BANK1: variants seen among roughly 807,000 people sequenced by gnomAD.
BANK1 encodes the protein B-cell scaffold protein with ankyrin repeats.
A neutral mutation model predicts 94.5 loss-of-function variants in BANK1; 95 were observed. The ratio of observed to expected loss-of-function variants is 1.00; its 90% confidence interval spans 0.85 to 1.19. BANK1 has a LOEUF of 1.19. Ranked by LOEUF, BANK1 falls within the 50% of genes most tolerant of loss-of-function variation. The probability of loss-of-function intolerance (pLI) is 0.00; values close to 1 mark genes in which losing one functional copy is unlikely to be tolerated. For synonymous variants in BANK1, 334 were observed against 308.4 expected, an observed-to-expected ratio of 1.08 and a Z score of -0.87; for missense variants, 987 against 932.2, an observed-to-expected ratio of 1.06 and a Z score of -0.77.
chr4:101,870,649 G>C lies in BANK1; in HGVS notation c.903+5G>C. 1 of 1,607,464 alleles carries C rather than the reference G, an allele frequency of 6.2e-7. No homozygotes were observed. Among genetic ancestry groups the C allele is most frequent in the Non-Finnish European group, 8.5e-7 (1 of 1,177,470 alleles). On this transcript the variant is annotated splice_donor_5th_base_variant and intron_variant, in intron 5 of 16. Transcript: ENST00000322953. ...TCAGGAGAGAGTTTGTGCCAGGTAA[G>C]TTAATCTTTCCACGAAGTTAATCAT...
At chr4:102,013,586 A>T (rs554442321) in intron 7 of BANK1, among the ~76,000 whole-genome samples, 2 of 152,060 alleles carry the variant, frequency 1.3e-5, no homozygotes, top group African/African-American at 4.8e-5. Context: ...AATTTCTGCT[A>T]GTTCAAATGG....
At position 101,901,906 on chromosome 4, in the gene BANK1, G is replaced by A. The variant is rs186830782; in HGVS notation, c.1009+6496G>A. On this transcript the variant is annotated intron_variant, in intron 6 of 16. Transcript: ENST00000322953. ...CTCCTGAGTAGCCGGGACTACAGGCGCCCGCCAACACACCTGGCTATTTTT... is the reference window on the plus strand; with the variant it reads ...CTCCTGAGTAGCCGGGACTACAGGCACCCGCCAACACACCTGGCTATTTTT... Among the ~76,000 whole-genome samples, 645 of 152,100 alleles carry A rather than the reference G, an allele frequency of 4.2e-3. 4 individuals are homozygous for A. Among genetic ancestry groups the A allele is most frequent in the African/African-American group, 0.015 (603 of 41,502 alleles).
In BANK1 at chr4:101,871,523, C is replaced by G. The variant is rs1420130749; in HGVS notation, c.903+879C>G. On this transcript the variant is annotated intron_variant, in intron 5 of 16. Coordinates refer to ENST00000322953, the MANE Select transcript of BANK1 (RefSeq NM_017935.5). Reference sequence around the variant, plus strand: ...TTGTTATTTCATGTGACACATTTTTCTATTAGGGTTTTATTTTTATATTAT... The same window carrying G: ...TTGTTATTTCATGTGACACATTTTTGTATTAGGGTTTTATTTTTATATTAT... Among the ~76,000 whole-genome samples the G allele has an allele frequency of 2.0e-5, 3 of 151,962 alleles. No individual in the cohort carries two copies. In the East Asian group the frequency reaches 5.8e-4, roughly 29 times the overall value.
chr4:101,821,118 T>A (rs1296592849), intron 1 of BANK1, among the ~76,000 whole-genome samples: 1 of 152,228 alleles, frequency 6.6e-6, no homozygotes, highest in African/African-American at 2.4e-5. Context: ...ATCTGTTATT[T>A]TTTGACTTTT....
intron 1 of BANK1, among the ~76,000 whole-genome samples, chr4:101,821,807 C>T (rs1401165620): frequency 3.9e-5 from 6 of 152,110 alleles, no homozygotes; most frequent in Middle Eastern, 3.4e-3. Context: ...AAAGAAAAGT[C>T]GTAGAAAAAT....
rs200697538 is a variant in BANK1, at chr4:102,018,819, C to CTTTTT, written c.1207-2695_1207-2694insTTTTT. Among the ~76,000 whole-genome samples the CTTTTT allele has an allele frequency of 1.5e-4, 21 of 141,098 alleles. 1 individual carries two copies. Among genetic ancestry groups the CTTTTT allele is most frequent in the African/African-American group, 4.6e-4 (17 of 36,606 alleles). 92.6% of individuals were successfully genotyped at this position (141,098 alleles called of 152,430 possible). On this transcript the variant is annotated intron_variant, in intron 7 of 16. Transcript: ENST00000322953. The stretch of plus-strand genomic sequence containing the variant: ...ATCTATTTCTTTTCTTTCTTTCTTT[C>CTTTTT]CTTTTTTTTTTTTTTTTGAGACAGA...
At chr4:101,819,844 A>G (rs1578335681) in intron 1 of BANK1, among the ~76,000 whole-genome samples, 1 of 152,200 alleles carries the variant, frequency 6.6e-6, no homozygotes. Context: ...TAGTCAGTAG[A>G]CGAAATCCAG....
intron 1 of BANK1, 102 bp downstream of exon 1, chr4:101,791,052 G>A: frequency 1.1e-6 from 1 of 950,250 alleles, no homozygotes; most frequent in Non-Finnish European, 1.5e-6. Context: ...GGGCACTGAG[G>A]CCAGGGCGTC....
intron 7 of BANK1, among the ~76,000 whole-genome samples, chr4:102,020,873 C>T (rs1261967676): frequency 6.6e-6 from 1 of 152,158 alleles, no homozygotes; most frequent in African/African-American, 2.4e-5. Flanking sequence ...AGCTTTCTCT[C>T]TGAGCACCAG....
At chr4:101,861,701 A>T (rs918356806) in intron 3 of BANK1, among the ~76,000 whole-genome samples, 1 of 151,682 alleles carries the variant, frequency 6.6e-6, no homozygotes, top group African/African-American at 2.4e-5. Flanking sequence ...GTCTTTCTGT[A>T]TGTCTTTGTG....
At chr4:101,919,316 C>A (rs1290635631) in intron 7 of BANK1, among the ~76,000 whole-genome samples, 1 of 151,944 alleles carries the variant, frequency 6.6e-6, no homozygotes, top group Non-Finnish European at 1.5e-5. Context: ...GGGATGCTTT[C>A]TAAAATAATC....
chr4:102,010,170 C>G (rs1216733420), intron 7 of BANK1, among the ~76,000 whole-genome samples: 1 of 151,420 alleles, frequency 6.6e-6, no homozygotes, highest in South Asian at 2.1e-4. Flanking sequence ...GAGGCTGAGG[C>G]AGGAGAATGG....
At chr4:101,924,431 G>T (rs1334606109) in intron 7 of BANK1, among the ~76,000 whole-genome samples, 2 of 151,820 alleles carry the variant, frequency 1.3e-5, no homozygotes, top group Non-Finnish European at 2.9e-5. Flanking sequence ...ATAGCAATCA[G>T]TGTCTGTACA....
At chr4:101,864,941 G>A (rs1484895973) in intron 4 of BANK1, among the ~76,000 whole-genome samples, 4 of 152,114 alleles carry the variant, frequency 2.6e-5, no homozygotes, top group African/African-American at 9.7e-5. Flanking sequence ...AGAGAGAAGG[G>A]AGACCTTTTT....
chr4:102,008,339 T>G (rs1166665546), intron 7 of BANK1, among the ~76,000 whole-genome samples: 1 of 152,196 alleles, frequency 6.6e-6, no homozygotes, highest in Non-Finnish European at 1.5e-5. Context: ...GAAACTCCTT[T>G]GAAAAACATG....
intron 1 of BANK1, chr4:101,814,020 T>G: frequency 2.3e-6 from 1 of 440,596 alleles, no homozygotes; most frequent in Non-Finnish European, 3.0e-6. Context: ...GAGATGATAT[T>G]TCTTTAGAGG....
intron 7 of BANK1, among the ~76,000 whole-genome samples, chr4:102,019,744 T>C (rs1263302824): frequency 2.0e-5 from 3 of 152,316 alleles, no homozygotes; most frequent in Admixed American, 1.3e-4. Flanking sequence ...AATATGATTG[T>C]AAGTGTAGGG....
At chr4:102,006,491 G>A (rs1047142187) in intron 7 of BANK1, among the ~76,000 whole-genome samples, 1 of 151,950 alleles carries the variant, frequency 6.6e-6, no homozygotes, top group African/African-American at 2.4e-5. Context: ...TCTTAAAATT[G>A]TCTTTGGTAT....
At position 101,929,979 on chromosome 4, in the gene BANK1, C is replaced by T. The variant is rs1008778979; in HGVS notation, c.1206+11790C>T. Among the ~76,000 whole-genome samples, 8 of 151,276 alleles carry T rather than the reference C, an allele frequency of 5.3e-5. No homozygotes were observed. In the South Asian group the frequency reaches 1.5e-3, roughly 27 times the overall value. The stretch of plus-strand genomic sequence containing the variant: ...ATATTAGTTTTTCCTTCTCTCATGA[C>T]ATCTTCATAACACTTCTAATCAGGT... On this transcript the variant is annotated intron_variant, in intron 7 of 16. Coordinates refer to ENST00000322953, the MANE Select transcript of BANK1 (RefSeq NM_017935.5).
Sources: gnomAD v4.1 joint callset for allele counts (sites outside exome capture counted in the v4.1 genomes callset) on GRCh38, gnomAD v4.1.1 for gene constraint, MANE v1.5 for transcripts, NCBI Gene and HGNC (gene_info 2026-07-23, HGNC 2026-07-21) for gene names.